TBC1D5: variants seen among roughly 807,000 people sequenced by gnomAD.
TBC1D5 encodes TBC1 domain family, member 5.
TBC1D5 carries 75 observed loss-of-function variants against 100.3 expected under a neutral mutation model. The ratio of observed to expected loss-of-function variants is 0.75; its 90% CI spans 0.62 to 0.91. The LOEUF is 0.91. TBC1D5 is among the 40% of genes least tolerant of loss of function. The pLI, the probability that TBC1D5 is intolerant of heterozygous loss-of-function variation, is 0.00. For missense variants in TBC1D5, 910 were observed against 942.4 expected (o/e 0.97, Z 0.45); for synonymous variants, 323 against 325.6 (o/e 0.99, Z 0.09).
intron 4 of TBC1D5, among the ~76,000 whole-genome samples, chr3:17,428,163 G>A (rs1201051854): frequency 6.6e-6 from 1 of 151,734 alleles, no homozygotes; most frequent in Admixed American, 6.6e-5. Context: ...AATACTACAT[G>A]TGCATTCATT....
rs76797012 is a variant in TBC1D5 at position 17,180,916 on chromosome 3, CA to C, written c.1852+4192del. ...GCATTTGTACCCCTTACATTTACAC[CA>C]AAAAAAAAAAAAAAAAAGAAAAGAA... On this transcript the variant is annotated intron_variant, in intron 19 of 21. Transcript: ENST00000253692. Among the ~76,000 whole-genome samples the C allele has an allele frequency of 7.2e-3, 693 of 96,132 alleles. 7 individuals are homozygous for C. Among genetic ancestry groups the C allele is most frequent in the South Asian group, 0.024 (73 of 2,986 alleles). The allele number at this position is 96,132 out of a possible 152,430, so 63.1% of individuals were successfully genotyped here. A position where few individuals can be genotyped will look rare whatever the true frequency, so the allele number is the denominator to read the frequency against.
At chr3:17,374,505 G>C in exon 12 of TBC1D5, 1 of 1,612,000 alleles carries the variant, frequency 6.2e-7, no homozygotes, top group Non-Finnish European at 8.5e-7. Context: ...TGAAAACCAA[G>C]GTTCAGCAGT....
chr3:17,639,845 G>C (rs1205534906), intron 1 of TBC1D5, among the ~76,000 whole-genome samples: 1 of 152,050 alleles, frequency 6.6e-6, no homozygotes, highest in Non-Finnish European at 1.5e-5. Context: ...TAGCAAATAG[G>C]TTTCACTCAC....
At chr3:17,215,566 A>G (rs1007894252) in intron 17 of TBC1D5, among the ~76,000 whole-genome samples, 1 of 152,132 alleles carries the variant, frequency 6.6e-6, no homozygotes, top group Admixed American at 6.6e-5. Flanking sequence ...GCAGTGGGAA[A>G]TGAGTCTGGA....
At chr3:17,411,204 A>AT (rs35110143) in intron 4 of TBC1D5, among the ~76,000 whole-genome samples, 3,804 of 148,438 alleles carry the variant, frequency 0.026, 149 homozygotes, top group African/African-American at 0.086. Flanking sequence ...GATCCTTGGC[A>AT]TTTTTTTTTT....
Position 17,209,314 on chromosome 3 carries a change from T to C in TBC1D5, c.1752+4893A>G, listed in dbSNP as rs138875338. On this transcript the variant is annotated intron_variant, in intron 18 of 21. Transcript: ENST00000253692. The stretch of plus-strand genomic sequence containing the variant: ...GTTGCATGCCACCATACCTGGCTAA[T>C]TAAAAACAAATTTTTTTTGTAAAGA... 9.7e-4 allele frequency among the ~76,000 whole-genome samples: 147 copies of C among 152,298 alleles called. 1 individual carries two copies. Among genetic ancestry groups the C allele is most frequent in the African/African-American group, 3.4e-3 (140 of 41,568 alleles).
intron 2 of TBC1D5, among the ~76,000 whole-genome samples, chr3:17,608,012 A>T (rs2061443140): frequency 6.6e-6 from 1 of 152,254 alleles, no homozygotes; most frequent in African/African-American, 2.4e-5. Flanking sequence ...GAAACATAAT[A>T]CACAATGGTG....
rs1318907836 is a variant in TBC1D5, at chr3:17,404,977, G to A, written c.277-16C>T. On this transcript the variant is annotated splice_polypyrimidine_tract_variant and intron_variant, in intron 5 of 21. Transcript: ENST00000253692. ...AAAGAAATAGCTGTCAAGAAAAACAGAAGAAACTTTTGTAAAAATCTTAAG... is the reference window on the plus strand; with the variant it reads ...AAAGAAATAGCTGTCAAGAAAAACAAAAGAAACTTTTGTAAAAATCTTAAG... The A allele has an allele frequency of 1.3e-6, 2 of 1,516,958 alleles. No homozygotes were observed. The highest frequency in any genetic ancestry group is 1.2e-5 in the South Asian group (1 of 81,278). The allele number at this position is 1,516,958 out of a possible 1,614,324, so 94.0% of individuals were successfully genotyped here.
At chr3:17,542,614 T>C (rs993831574) in intron 2 of TBC1D5, among the ~76,000 whole-genome samples, 5 of 152,230 alleles carry the variant, frequency 3.3e-5, no homozygotes, top group African/African-American at 1.2e-4. Flanking sequence ...ATAAATTTTA[T>C]TAGGCTGAAG....
chr3:17,585,853 A>G (rs990965157), intron 2 of TBC1D5, among the ~76,000 whole-genome samples: 1 of 152,208 alleles, frequency 6.6e-6, no homozygotes, highest in African/African-American at 2.4e-5. Flanking sequence ...TGTACATTTT[A>G]TTCCTTATTA....
At chr3:17,222,316 G>C (rs1439113718) in intron 17 of TBC1D5, among the ~76,000 whole-genome samples, 1 of 152,070 alleles carries the variant, frequency 6.6e-6, no homozygotes, top group Non-Finnish European at 1.5e-5. Flanking sequence ...TTCTACACTG[G>C]TAATTTTTAA....
chr3:17,295,235 T>A (rs2082130056), intron 14 of TBC1D5, among the ~76,000 whole-genome samples: 1 of 152,218 alleles, frequency 6.6e-6, no homozygotes, highest in Non-Finnish European at 1.5e-5. Flanking sequence ...CTAGATTAGA[T>A]CACTGGCCTA....
chr3:17,491,779 G>A (rs1234677258), intron 3 of TBC1D5, among the ~76,000 whole-genome samples: 3 of 152,068 alleles, frequency 2.0e-5, no homozygotes, highest in Non-Finnish European at 4.4e-5. Flanking sequence ...TTGTATCTCT[G>A]CCAGGTTTCG....
Position 17,404,852 on chromosome 3 carries a change from T to C in TBC1D5, c.366+20A>G. 1.3e-6 allele frequency: 2 copies of C among 1,554,126 alleles called. No homozygotes were observed. The highest frequency in any genetic ancestry group is 1.7e-6 in the Non-Finnish European group (2 of 1,142,976). On this transcript the variant is annotated intron_variant, in intron 6 of 21. Coordinates refer to ENST00000253692, the Ensembl canonical transcript of TBC1D5. ...TACATAAGAAAACAATTACATTAAT[T>C]AAATATACTATTTACTTACTATTTC...
chr3:17,238,182 C>T, exon 17 of TBC1D5: 1 of 1,613,894 alleles, frequency 6.2e-7, no homozygotes, highest in East Asian at 2.2e-5. Context: ...ATTGCACAGG[C>T]ATGCTTTCTG....
At chr3:17,410,987 C>T (rs963294191) in intron 4 of TBC1D5, among the ~76,000 whole-genome samples, 3 of 152,114 alleles carry the variant, frequency 2.0e-5, no homozygotes, top group African/African-American at 7.2e-5. Context: ...GGGTAAGATG[C>T]TGCCAAACAG....
At chr3:17,554,912 C>T (rs1453968863) in intron 2 of TBC1D5, among the ~76,000 whole-genome samples, 2 of 151,466 alleles carry the variant, frequency 1.3e-5, no homozygotes, top group Middle Eastern at 3.4e-3. Context: ...TGCAGTGGCG[C>T]GATCTTGGCT....
At chr3:17,306,451 T>C (rs1347409846) in intron 14 of TBC1D5, among the ~76,000 whole-genome samples, 3 of 152,214 alleles carry the variant, frequency 2.0e-5, no homozygotes, top group African/African-American at 7.2e-5. Flanking sequence ...GGGTTAAATA[T>C]TGAAATAAAT....
intron 1 of TBC1D5, among the ~76,000 whole-genome samples, chr3:17,729,085 G>C (rs905323685): frequency 4.0e-5 from 4 of 99,496 alleles, no homozygotes; most frequent in Non-Finnish European, 6.6e-5. Flanking sequence ...AGGCAATAAA[G>C]AAAGAAAAAT....
Sources: allele counts gnomAD v4.1 joint callset (sites outside exome capture counted in the v4.1 genomes callset), GRCh38; gene constraint gnomAD v4.1.1; transcripts MANE v1.5; gene names NCBI Gene and HGNC (gene_info 2026-07-23, HGNC 2026-07-21).